ATP11A: variants seen among roughly 807,000 people sequenced by gnomAD.
The protein encoded by ATP11A is phospholipid-transporting ATPase IH.
In ATP11A, 81 loss-of-function variants were observed where a neutral mutation model predicts 154.4. The ratio of observed to expected loss-of-function variants is 0.52; its 90% CI spans 0.44 to 0.63. ATP11A has a LOEUF of 0.63. ATP11A is among the 30% of genes least tolerant of loss of function. ATP11A has a pLI of 0.00. For synonymous variants in ATP11A, 623 were observed against 585.9 expected, an observed-to-expected ratio of 1.06 and a Z score of -0.91; for missense variants, 1,316 against 1,474.3, an observed-to-expected ratio of 0.89 and a Z score of 1.76.
chr13:112,836,646 T>C (rs971415491), intron 16 of ATP11A, among the ~76,000 whole-genome samples: 1 of 152,216 alleles, frequency 6.6e-6, no homozygotes, highest in Non-Finnish European at 1.5e-5. Context: ...GAAAAGGTAA[T>C]GTGGGTTTGC....
In ATP11A at chr13:112,859,470, C is replaced by T. The variant is rs1373100479; in HGVS notation, c.2727+18C>T. The T allele has an allele frequency of 3.1e-6, 5 of 1,604,386 alleles. No individual in the cohort carries two copies. The highest frequency in any genetic ancestry group is 4.3e-6 in the Non-Finnish European group (5 of 1,171,452). The stretch of plus-strand genomic sequence containing the variant: ...CACAACAGGTCAGTCCTAGGGTCTT[C>T]AGGGACAGGCTGTCTGAGCCTTCTT... On this transcript the variant is annotated intron_variant, in intron 23 of 29. Transcript: ENST00000375645. The surrounding 1 kb of genome is among the most constrained non-coding windows in gnomAD (Gnocchi z 4.3).
chr13:112,836,209 T>G lies in ATP11A; in HGVS notation c.1663T>G (p.Ser555Ala). The G allele has an allele frequency of 6.2e-7, 1 of 1,612,942 alleles. No individual in the cohort carries two copies. Among genetic ancestry groups the G allele is most frequent in the Non-Finnish European group, 8.5e-7 (1 of 1,179,284 alleles). The change falls in exon 16 of 30, where the codon TCA becomes GCA. Residue 555 changes from serine to alanine, a missense_variant. Transcript: ENST00000375645. ...ATTGCTGGAAATTTTGAGTTTTGACTCAGTCAGAAGGAGAATGAGTGTAAT... is the reference window on the plus strand; with the variant it reads ...ATTGCTGGAAATTTTGAGTTTTGACGCAGTCAGAAGGAGAATGAGTGTAAT... ...FELLEILSFDSVRRRMSVIVK... is the reference protein window; with the variant it reads ...FELLEILSFDAVRRRMSVIVK...
intron 1 of ATP11A, among the ~76,000 whole-genome samples, chr13:112,747,898 C>T (rs1892366975): frequency 6.6e-6 from 1 of 151,874 alleles, no homozygotes; most frequent in Admixed American, 6.6e-5. Flanking sequence ...AAGGGTAAGG[C>T]AAAATTGAAG....
At chr13:112,776,649 G>A (rs1465298121) in intron 1 of ATP11A, among the ~76,000 whole-genome samples, 1 of 152,140 alleles carries the variant, frequency 6.6e-6, no homozygotes, top group East Asian at 1.9e-4. Context: ...AGGCTGAAAT[G>A]CAGTGGCACT....
intron 1 of ATP11A, among the ~76,000 whole-genome samples, chr13:112,729,267 G>A (rs1449140929): frequency 6.6e-6 from 1 of 152,228 alleles, no homozygotes; most frequent in Non-Finnish European, 1.5e-5. Flanking sequence ...CCTCGTTAAC[G>A]ATTGGATGTT....
At chr13:112,842,586 T>C (rs1317456743) in intron 17 of ATP11A, among the ~76,000 whole-genome samples, 1 of 152,196 alleles carries the variant, frequency 6.6e-6, no homozygotes, top group Non-Finnish European at 1.5e-5. Context: ...AGGCACAGGC[T>C]GTCCAGCCAG....
At chr13:112,783,892 G>C (rs1339885452) in intron 1 of ATP11A, among the ~76,000 whole-genome samples, 2 of 152,228 alleles carry the variant, frequency 1.3e-5, no homozygotes, top group Non-Finnish European at 2.9e-5. Flanking sequence ...AGTGTTCCGA[G>C]TAATACAGAG....
At chr13:112,771,613 A>T (rs2077227119) in intron 1 of ATP11A, among the ~76,000 whole-genome samples, 1 of 152,196 alleles carries the variant, frequency 6.6e-6, no homozygotes, top group South Asian at 2.1e-4. Context: ...GCAAGGTTAG[A>T]GATAACCAGG....
At chr13:112,744,473 C>A (rs1891904647) in intron 1 of ATP11A, among the ~76,000 whole-genome samples, 1 of 152,206 alleles carries the variant, frequency 6.6e-6, no homozygotes, top group South Asian at 2.1e-4. Flanking sequence ...TCCAGTGAAT[C>A]TCAGACATGG....
intron 2 of ATP11A, among the ~76,000 whole-genome samples, chr13:112,789,122 C>T (rs1220774019): frequency 6.6e-6 from 1 of 151,260 alleles, no homozygotes; most frequent in Non-Finnish European, 1.5e-5. Context: ...GATGTATAGA[C>T]CCTTGTGGTA....
chr13:112,785,474 TCA>T lies in ATP11A; in HGVS notation c.162+220_162+221del, dbSNP rs541734376. 7.9e-5 allele frequency among the ~76,000 whole-genome samples: 12 copies of T among 152,072 alleles called. No homozygotes were observed. The highest frequency in any genetic ancestry group is 3.4e-3 in the Middle Eastern group (1 of 294). On this transcript the variant is annotated intron_variant, in intron 2 of 29. Coordinates refer to ENST00000375645, the MANE Select transcript of ATP11A (RefSeq NM_015205.3). This position sits in a 1 kb window ranked among gnomAD's most constrained non-coding sequence, Gnocchi z 4.8. ...AGGAGGCTTTCCACCTGCCCAGGGC[TCA>T]CAGCGCAGTGTCTCCATTCTCGGGT...
chr13:112,850,261 A>G (rs1400824850), intron 17 of ATP11A, among the ~76,000 whole-genome samples: 1 of 152,214 alleles, frequency 6.6e-6, no homozygotes, highest in Non-Finnish European at 1.5e-5. Flanking sequence ...TACTATTATC[A>G]GTAGGGCTGG....
rs746280591 is a variant in ATP11A at position 112,810,673 on chromosome 13, G to A, written c.388G>A (p.Val130Ile). The A allele has an allele frequency of 1.9e-6, 3 of 1,614,112 alleles. No homozygotes were observed. Among genetic ancestry groups the A allele is most frequent in the Admixed American group, 3.3e-5 (2 of 60,016 alleles). Residue 130 changes from valine (V) to isoleucine (I), a missense_variant, in exon 5 of 30, where the codon GTT becomes ATT. Coordinates refer to ENST00000375645, the MANE Select transcript of ATP11A (RefSeq NM_015205.3). ...KADNAMNQCP[V>I]HFIQHGKLVR... is the part of the protein sequence containing the mutation. ...AGACAATGCCATGAACCAGTGTCCT[G>A]TTCATTTCATTCAGCACGGCAAGCT...
chr13:112,747,853 C>T (rs1423433140), intron 1 of ATP11A, among the ~76,000 whole-genome samples: 1 of 151,060 alleles, frequency 6.6e-6, no homozygotes, highest in Non-Finnish European at 1.5e-5. Flanking sequence ...AAAAACAAAA[C>T]AAAACGAAGG....
intron 2 of ATP11A, among the ~76,000 whole-genome samples, chr13:112,791,918 G>A (rs997819518): frequency 6.6e-6 from 1 of 152,204 alleles, no homozygotes; most frequent in African/African-American, 2.4e-5. Flanking sequence ...ACTCAGGAAC[G>A]CACAGACCGG....
At chr13:112,825,134 G>A (rs141381588) in intron 10 of ATP11A, among the ~76,000 whole-genome samples, 3 of 152,272 alleles carry the variant, frequency 2.0e-5, no homozygotes, top group East Asian at 1.9e-4. Flanking sequence ...TTTCAATGAC[G>A]GAAGTCCAGG....
intron 25 of ATP11A, among the ~76,000 whole-genome samples, chr13:112,863,990 C>T (rs1199902233): frequency 1.3e-5 from 1 of 79,404 alleles, no homozygotes; most frequent in South Asian, 4.6e-4. Context: ...CCAGCGGGGT[C>T]CATCACCACG....
chr13:112,788,766 CG>C lies in ATP11A; in HGVS notation c.162+3512del, dbSNP rs568133324. ...CTATGTAGACCTATTTAATTCACACCGGGTGTCCTGGCGTGTAAACCCCTGT... is the reference window on the plus strand; with the variant it reads ...CTATGTAGACCTATTTAATTCACACCGGTGTCCTGGCGTGTAAACCCCTGT... On this transcript the variant is annotated intron_variant, in intron 2 of 29. Coordinates refer to ENST00000375645, the MANE Select transcript of ATP11A (RefSeq NM_015205.3). 2.1e-4 allele frequency among the ~76,000 whole-genome samples: 32 copies of C among 150,504 alleles called. No individual in the cohort carries two copies. The South Asian group carries it at 2.1e-3, about 10-fold the overall frequency.
At chr13:112,701,960 G>A (rs1200331223) in intron 1 of ATP11A, among the ~76,000 whole-genome samples, 1 of 152,154 alleles carries the variant, frequency 6.6e-6, no homozygotes, top group Non-Finnish European at 1.5e-5. Flanking sequence ...TATCCAGCTG[G>A]TGGTTCATGA....
Sources: gnomAD v4.1 joint callset for allele counts (sites outside exome capture counted in the v4.1 genomes callset) on GRCh38, gnomAD v4.1.1 for gene constraint, Gnocchi (gnomAD v3.1) non-coding constraint, MANE v1.5 for transcripts, NCBI Gene and HGNC (gene_info 2026-07-23, HGNC 2026-07-21) for gene names.